The following LPAR2 variants were observed in gnomAD, a reference collection of about 807,000 sequenced individuals.
LPAR2 encodes the protein G protein-coupled receptor.
In LPAR2, 10 loss-of-function variants were observed where a neutral mutation model predicts 15.6. The ratio of observed to expected loss-of-function variants is 0.64; its 90% CI spans 0.39 to 1.09. The LOEUF is 1.09. Ranked by LOEUF, LPAR2 falls within the 50% of genes least tolerant of loss-of-function variation. LPAR2 has a pLI of 0.01. For synonymous variants in LPAR2, 204 were observed against 207.4 expected, an observed-to-expected ratio of 0.98 and a Z score of 0.14; for missense variants, 413 against 484.6, an observed-to-expected ratio of 0.85 and a Z score of 1.39.
At position 19,626,829 on chromosome 19, in the gene LPAR2, C is replaced by A; in HGVS notation, c.456G>T (p.Val152=). 1 of 1,596,182 alleles carries A rather than the reference C, an allele frequency of 6.3e-7. No homozygotes were observed. Among genetic ancestry groups the A allele is most frequent in the East Asian group, 2.3e-5 (1 of 43,402 alleles). The stretch of plus-strand genomic sequence containing the variant: ...GGCCCAGGGCAGCCACCCACACGCC[C>A]ACAATGAGCATGACCACGCGGCCAC... Residue 152 remains valine, a synonymous_variant, in exon 2 of 3, where the codon GTG becomes GTT. Coordinates refer to ENST00000407877, the MANE Select transcript of LPAR2 (RefSeq NM_004720.7). The surrounding 1 kb of genome is among the most constrained non-coding windows in gnomAD (Gnocchi z 5.3).
Position 19,627,959 on chromosome 19 carries a change from G to A in LPAR2, c.-1+133C>T, listed in dbSNP as rs1341745521. On this transcript the variant is annotated intron_variant, in intron 1 of 2. Transcript: ENST00000407877. This position sits in a 1 kb window ranked among gnomAD's most constrained non-coding sequence, Gnocchi z 4.7. ...AAGGGATGGATGGCCGGGCCTCCAG[G>A]CGTCTCCAGACTGGGGAAGGGGTAG... is the stretch of plus-strand genomic sequence containing the variant. 6.5e-6 allele frequency: 1 copy of A among 153,514 alleles called. No homozygotes were observed. Among genetic ancestry groups the A allele is most frequent in the African/African-American group, 2.4e-5 (1 of 41,452 alleles). The allele number at this position is 153,514 out of a possible 1,614,324, so 9.5% of individuals were successfully genotyped here.
At chr19:19,624,631 C>A in intron 2 of LPAR2, 62 bp from the exon 3 acceptor site, 1 of 1,431,734 alleles carries the variant, frequency 7.0e-7, no homozygotes, top group South Asian at 1.3e-5. Flanking sequence ...CTACAGCTCT[C>A]AGTTTGGGGT....
At chr19:19,624,789 T>TG (rs2061731796) in intron 2 of LPAR2, among the ~76,000 whole-genome samples, 1 of 143,698 alleles carries the variant, frequency 7.0e-6, no homozygotes, top group African/African-American at 2.6e-5. Flanking sequence ...ACTGGACATT[T>TG]TGTGTGTGTG....
Position 19,627,638 on chromosome 19 carries a change from GA to G in LPAR2, c.1-355del. 1 of 307,812 alleles carries G rather than the reference GA, an allele frequency of 3.2e-6. No individual in the cohort carries two copies. Among genetic ancestry groups the G allele is most frequent in the South Asian group, 3.2e-5 (1 of 31,216 alleles). 19.1% of individuals were successfully genotyped at this position (307,812 alleles called of 1,614,324 possible). On this transcript the variant is annotated intron_variant, in intron 1 of 2. Transcript: ENST00000407877. The surrounding 1 kb of genome is among the most constrained non-coding windows in gnomAD (Gnocchi z 4.7). ...GGGTTGTGGGGAGAGGAGGGTTAGG[GA>G]AAGACAAAGGGGTGTGAGCTGCGGG...
At position 19,626,987 on chromosome 19, in the gene LPAR2, A is replaced by G; in HGVS notation, c.298T>C (p.Ser100Pro). ...TGCCGCAGGAACCAGCCCTCAAGTG[A>G]AAGTCGGGCTGTGCGGGGACCAGTG... The change falls in exon 2 of 3, where the codon TCA (serine) becomes CCA (proline). Residue 100 changes from serine (S) to proline (P), a missense_variant. Transcript: ENST00000407877. The surrounding 1 kb of genome is among the most constrained non-coding windows in gnomAD (Gnocchi z 5.3). 1 of 1,613,506 alleles carries G rather than the reference A, an allele frequency of 6.2e-7. No individual in the cohort carries two copies. Among genetic ancestry groups the G allele is most frequent in the Non-Finnish European group, 8.5e-7 (1 of 1,179,886 alleles).
chr19:19,624,974 C>T (rs1374207992), intron 2 of LPAR2, among the ~76,000 whole-genome samples: 4 of 151,826 alleles, frequency 2.6e-5, no homozygotes, highest in African/African-American at 7.3e-5. Context: ...CCACCATGCC[C>T]GGCTATATTT....
rs2061754106 is a variant in LPAR2 at position 19,628,154 on chromosome 19, C to G, written c.-63G>C. The stretch of plus-strand genomic sequence containing the variant: ...CGGGGGTTCGGGGCGGGCTCGAGGC[C>G]CATGGCCCGGCGACTGCGGCGGGAG... On this transcript the variant is annotated 5_prime_UTR_variant, in exon 1 of 3. Coordinates refer to ENST00000407877, the MANE Select transcript of LPAR2 (RefSeq NM_004720.7). The G allele has an allele frequency of 6.6e-6, 1 of 152,212 alleles. No homozygotes were observed. The highest frequency in any genetic ancestry group is 6.5e-5 in the Admixed American group (1 of 15,270). 9.4% of individuals were successfully genotyped at this position (152,212 alleles called of 1,614,324 possible).
intron 2 of LPAR2, among the ~76,000 whole-genome samples, chr19:19,625,112 G>A (rs951809460): frequency 4.6e-5 from 7 of 151,840 alleles, no homozygotes; most frequent in African/African-American, 1.2e-4. Flanking sequence ...GAGCCACTGC[G>A]CCTGGCCTGT....
rs746431992 is a variant in LPAR2 at position 19,626,785 on chromosome 19, TGGGCAGGCAGCAGCCCCAGGCCCA to T, written c.476_499del (p.Leu159_Ala166del). 1 of 1,606,358 alleles carries T rather than the reference TGGGCAGGCAGCAGCCCCAGGCCCA, an allele frequency of 6.2e-7. No individual in the cohort carries two copies. The highest frequency in any genetic ancestry group is 8.5e-7 in the Non-Finnish European group (1 of 1,177,148). The stretch of plus-strand genomic sequence containing the variant: ...CAGGGCACAGAGGCAGTGCCAGGAG[TGGGCAGGCAGCAGCCCCAGGCCCA>T]GGGCAGCCACCCACACGCCCACAAT... On this transcript the variant is annotated inframe_deletion, in exon 2 of 3. Transcript: ENST00000407877. This position sits in a 1 kb window ranked among gnomAD's most constrained non-coding sequence, Gnocchi z 5.3.
chr19:19,625,043 A>C (rs1202757939), intron 2 of LPAR2, among the ~76,000 whole-genome samples: 1 of 150,520 alleles, frequency 6.6e-6, no homozygotes, highest in East Asian at 2.0e-4. Context: ...GATGGTCTCG[A>C]TCTCCTGACC....
At position 19,627,379 on chromosome 19, in the gene LPAR2, G is replaced by T; in HGVS notation, c.1-95C>A. On this transcript the variant is annotated intron_variant, in intron 1 of 2. Transcript: ENST00000407877. This position sits in a 1 kb window ranked among gnomAD's most constrained non-coding sequence, Gnocchi z 4.7. ...GGAGGGTCAGCGCAGGAAGGACAAG[G>T]GTCTCAAATTCAGATACCTCGAAGC... is the stretch of plus-strand genomic sequence containing the variant. The T allele has an allele frequency of 1.5e-6, 2 of 1,309,540 alleles. No individual in the cohort carries two copies. The highest frequency in any genetic ancestry group is 2.1e-6 in the Non-Finnish European group (2 of 950,494). The allele number at this position is 1,309,540 out of a possible 1,614,324, so 81.1% of individuals were successfully genotyped here.
Position 19,627,156 on chromosome 19 carries a change from G to C in LPAR2, c.129C>G (p.Ser43Arg). 6.2e-7 allele frequency: 1 copy of C among 1,613,274 alleles called. No homozygotes were observed. Among genetic ancestry groups the C allele is most frequent in the African/African-American group, 1.3e-5 (1 of 75,070 alleles). ...GCAGATTGGTCAGCAGCACCAGCAC[G>C]CTGACGGTCAGCCCCAGTGCCACCA... Residue 43 changes from serine (S) to arginine (R), a missense_variant, in exon 2 of 3, where the codon AGC (serine) becomes AGG (arginine). Coordinates refer to ENST00000407877, the MANE Select transcript of LPAR2 (RefSeq NM_004720.7). The surrounding 1 kb of genome is among the most constrained non-coding windows in gnomAD (Gnocchi z 4.7).
Position 19,624,156 on chromosome 19 carries a change from A to T in LPAR2, c.*100T>A. 1 of 1,223,494 alleles carries T rather than the reference A, an allele frequency of 8.2e-7. No homozygotes were observed. The highest frequency in any genetic ancestry group is 1.2e-6 in the Non-Finnish European group (1 of 865,276). The allele number at this position is 1,223,494 out of a possible 1,614,324, so 75.8% of individuals were successfully genotyped here. ...GTGCCATGCCAGACCTTGTCCTGCC[A>T]GTCAGTCAGTCCTGTTGGTTGGGTT... On this transcript the variant is annotated 3_prime_UTR_variant, in exon 3 of 3. Transcript: ENST00000407877.
chr19:19,624,685 G>T, intron 2 of LPAR2, 116 bp from the exon 3 acceptor site: 1 of 770,874 alleles, frequency 1.3e-6, no homozygotes, highest in Non-Finnish European at 2.1e-6. Context: ...GAAGTTTGCA[G>T]TGCAAGAGCT....
chr19:19,624,219 T>G lies in LPAR2; in HGVS notation c.*37A>C. ...CCCACAAGTCATCAGGGGCTGTGGATTTGTTGCTTGCCGCGTACCGCTGAA... is the reference window on the plus strand; with the variant it reads ...CCCACAAGTCATCAGGGGCTGTGGAGTTGTTGCTTGCCGCGTACCGCTGAA... On this transcript the variant is annotated 3_prime_UTR_variant, in exon 3 of 3. Transcript: ENST00000407877. The G allele has an allele frequency of 5.8e-6, 9 of 1,564,538 alleles. No individual in the cohort carries two copies. Among genetic ancestry groups the G allele is most frequent in the Non-Finnish European group, 7.8e-6 (9 of 1,150,874 alleles).
intron 2 of LPAR2, among the ~76,000 whole-genome samples, chr19:19,625,910 T>G: frequency 7.2e-6 from 1 of 138,150 alleles, no homozygotes; most frequent in Admixed American, 7.5e-5. Context: ...AGTTCTGGAG[T>G]TTCGCTCTTG....
Position 19,624,231 on chromosome 19 carries a change from C to A in LPAR2, c.*25G>T. 1 of 1,578,366 alleles carries A rather than the reference C, an allele frequency of 6.3e-7. No individual in the cohort carries two copies. Among genetic ancestry groups the A allele is most frequent in the South Asian group, 1.2e-5 (1 of 86,024 alleles). ...CAGGGGCTGTGGATTTGTTGCTTGC[C>A]GCGTACCGCTGAAGTTCAAGGTAGC... On this transcript the variant is annotated 3_prime_UTR_variant, in exon 3 of 3. Transcript: ENST00000407877.
At position 19,628,197 on chromosome 19, in the gene LPAR2, G is replaced by A. The variant is rs1272036688; in HGVS notation, c.-106C>T. 6.6e-6 allele frequency: 1 copy of A among 152,064 alleles called. No individual in the cohort carries two copies. The highest frequency in any genetic ancestry group is 1.5e-5 in the Non-Finnish European group (1 of 67,998). The allele number at this position is 152,064 out of a possible 1,614,324, so 9.4% of individuals were successfully genotyped here. On this transcript the variant is annotated 5_prime_UTR_variant, in exon 1 of 3. Coordinates refer to ENST00000407877, the MANE Select transcript of LPAR2 (RefSeq NM_004720.7). ...GGCGGGAGCGGTAGAGCGTCCGGGT[G>A]CGCCCTGTGCGGGTTGCTGAGAGGG...
Position 19,627,489 on chromosome 19 carries a change from T to C in LPAR2, c.1-205A>G. Reference sequence around the variant, plus strand: ...TGGAGGTGGAGGAGCAGCTGTTTCTTACCTACTAATAAGACCTGTGTGCAA... The same window carrying C: ...TGGAGGTGGAGGAGCAGCTGTTTCTCACCTACTAATAAGACCTGTGTGCAA... On this transcript the variant is annotated intron_variant, in intron 1 of 2. Transcript: ENST00000407877. This position sits in a 1 kb window ranked among gnomAD's most constrained non-coding sequence, Gnocchi z 4.7. The C allele has an allele frequency of 3.4e-6, 2 of 586,692 alleles. No individual in the cohort carries two copies. Among genetic ancestry groups the C allele is most frequent in the South Asian group, 4.1e-5 (2 of 49,196 alleles). 36.3% of individuals were successfully genotyped at this position (586,692 alleles called of 1,614,324 possible). A position where few individuals can be genotyped will look rare whatever the true frequency, so the allele number is the denominator to read the frequency against.
Sources: allele counts gnomAD v4.1 joint callset (sites outside exome capture counted in the v4.1 genomes callset), GRCh38; gene constraint gnomAD v4.1.1; non-coding constraint Gnocchi (gnomAD v3.1); transcripts MANE v1.5; gene names NCBI Gene and HGNC (gene_info 2026-07-23, HGNC 2026-07-21).